Variants in C14orf39 observed in about 807,000 individuals in gnomAD.
C14orf39 encodes protein SIX6OS1.
In C14orf39, 66 loss-of-function variants were observed where a neutral mutation model predicts 85.6. The ratio of observed to expected loss-of-function variants is 0.77; its 90% CI spans 0.63 to 0.95. The LOEUF (loss-of-function observed/expected upper bound fraction) is 0.95. C14orf39 is among the 40% of genes least tolerant of loss of function. The probability of loss-of-function intolerance (pLI) is 0.00; values close to 1 mark genes in which losing one functional copy is unlikely to be tolerated. For missense variants in C14orf39, 735 were observed against 663.9 expected, an observed-to-expected ratio of 1.11 and a Z score of -1.18; for synonymous variants, 242 against 214.0, an observed-to-expected ratio of 1.13 and a Z score of -1.14.
intron 16 of C14orf39, among the ~76,000 whole-genome samples, chr14:60,444,820 A>G (rs1480533802): frequency 1.3e-5 from 2 of 152,202 alleles, no homozygotes; most frequent in African/African-American, 4.8e-5. Context: ...GTTACCCACA[A>G]AGGGAATCCC....
rs966987856 is a variant in C14orf39 at position 60,451,579 on chromosome 14, T to C, written c.1503+3422A>G. Among the ~76,000 whole-genome samples the C allele has an allele frequency of 2.0e-5, 3 of 150,858 alleles. No homozygotes were observed. The East Asian group carries it at 5.9e-4, about 30-fold the overall frequency. On this transcript the variant is annotated intron_variant, in intron 16 of 17. Transcript: ENST00000321731. ...GGAAACCATCATTCTGAGCAAACTATCACAAGGACAGAAAACTAAACACCG... is the reference window on the plus strand; with the variant it reads ...GGAAACCATCATTCTGAGCAAACTACCACAAGGACAGAAAACTAAACACCG...
intron 1 of C14orf39, chr14:60,509,637 C>A (rs755414940): frequency 3.7e-6 from 6 of 1,613,774 alleles, no homozygotes; most frequent in Non-Finnish European, 5.1e-6. Flanking sequence ...CACAAGTTCA[C>A]CAAGGAGTCG....
chr14:60,509,557 G>A (rs1398183452), intron 1 of C14orf39: 6 of 1,611,510 alleles, frequency 3.7e-6, no homozygotes, highest in African/African-American at 1.3e-5. Context: ...ATGAGTCGGT[G>A]CTACGCGCAC....
chr14:60,510,969 G>A, intron 1 of C14orf39: 1 of 1,075,608 alleles, frequency 9.3e-7, no homozygotes, highest in South Asian at 1.4e-5. Context: ...CTTAACTGCT[G>A]GGGTCTTCGG....
At chr14:60,493,402 T>C (rs1229961877) in intron 2 of C14orf39, among the ~76,000 whole-genome samples, 2 of 152,176 alleles carry the variant, frequency 1.3e-5, no homozygotes, top group Non-Finnish European at 2.9e-5. Context: ...ACCTTTTAAG[T>C]ATACAGTACC....
intron 1 of C14orf39, chr14:60,510,081 AGC>A: frequency 1.0e-6 from 1 of 989,862 alleles, no homozygotes; most frequent in Non-Finnish European, 1.6e-6. Flanking sequence ...AGGAGTTGGG[AGC>A]GCGGTCTGTC....
intron 15 of C14orf39, among the ~76,000 whole-genome samples, chr14:60,456,306 G>A (rs1234347377): frequency 2.6e-5 from 4 of 151,946 alleles, no homozygotes; most frequent in Admixed American, 2.0e-4. Flanking sequence ...TAAAGAGCTT[G>A]CTTAATAAAA....
rs1295300622 is a variant in C14orf39 at position 60,515,447 on chromosome 14, CCTA to C, written c.-199_-197del. The stretch of plus-strand genomic sequence containing the variant: ...GCGGACGTGTAGGCCTCGAGCCACT[CCTA>C]CTGTTGGGCTGCGTGACTCAGCGGC... On this transcript the variant is annotated 5_prime_UTR_variant, in exon 1 of 6. Coordinates refer to the C14orf39 transcript ENST00000556799. The surrounding 1 kb of genome is among the most constrained non-coding windows in gnomAD (Gnocchi z 6.2). 2.0e-5 allele frequency: 3 copies of C among 152,026 alleles called. No homozygotes were observed. The highest frequency in any genetic ancestry group is 2.0e-4 in the Admixed American group (3 of 15,282). The allele number at this position is 152,026 out of a possible 1,614,324, so 9.4% of individuals were successfully genotyped here.
chr14:60,509,751 A>T, intron 1 of C14orf39: 1 of 1,613,274 alleles, frequency 6.2e-7, no homozygotes, highest in Non-Finnish European at 8.5e-7. Flanking sequence ...GTAAGGAAGA[A>T]GTTCCCGCTG....
chr14:60,474,255 C>G (rs575774360), intron 5 of C14orf39, among the ~76,000 whole-genome samples: 1 of 152,128 alleles, frequency 6.6e-6, no homozygotes, highest in East Asian at 1.9e-4. Context: ...GATTTTGTAT[C>G]CTGAGACTTT....
chr14:60,471,051 A>T (rs1340903213), intron 7 of C14orf39, among the ~76,000 whole-genome samples: 1 of 151,894 alleles, frequency 6.6e-6, no homozygotes, highest in Non-Finnish European at 1.5e-5. Flanking sequence ...GTAGGTTTCC[A>T]GTGATGAATG....
chr14:60,465,851 AAC>A (rs10529202), intron 11 of C14orf39, 126 bp downstream of exon 11: 6,651 of 414,312 alleles, frequency 0.016, 70 homozygotes, highest in East Asian at 0.068. Flanking sequence ...ATAAATTTAT[AAC>A]ACACACACAC....
chr14:60,510,309 G>T (rs1893271355), intron 1 of C14orf39, among the ~76,000 whole-genome samples: 1 of 152,202 alleles, frequency 6.6e-6, no homozygotes, highest in Non-Finnish European at 1.5e-5. Context: ...ATTCTTGTCA[G>T]CCTGGGCACA....
At chr14:60,482,746 G>A (rs1036719443) in intron 4 of C14orf39, among the ~76,000 whole-genome samples, 1 of 152,132 alleles carries the variant, frequency 6.6e-6, no homozygotes, top group Admixed American at 6.5e-5. Flanking sequence ...CCACGGAGCT[G>A]TTAAAAAGAA....
chr14:60,456,931 G>C lies in C14orf39; in HGVS notation c.1344C>G (p.Thr448=), dbSNP rs749546937. ...TAAAATCCTACATTTCGAACGGGGG[G>C]GTTTTAGGGAATTTTATTTTCTCCA... is the stretch of plus-strand genomic sequence containing the variant. ...ESLEKIKFPK[T]PPFEINRNRN... is the part of the protein sequence containing the mutation. The change falls in exon 15 of 18, where the codon ACC becomes ACG. Residue 448 remains threonine (T), a synonymous_variant. Coordinates refer to ENST00000321731, the MANE Select transcript of C14orf39 (RefSeq NM_174978.3). 3.2e-6 allele frequency: 5 copies of C among 1,567,720 alleles called. No homozygotes were observed. The highest frequency in any genetic ancestry group is 2.3e-5 in the East Asian group (1 of 43,404).
chr14:60,448,453 G>C (rs1419771044), intron 16 of C14orf39, among the ~76,000 whole-genome samples: 1 of 152,214 alleles, frequency 6.6e-6, no homozygotes, highest in Non-Finnish European at 1.5e-5. Flanking sequence ...CTGGTCATTA[G>C]AGAAATGCAA....
chr14:60,461,232 C>T, intron 13 of C14orf39, 122 bp downstream of exon 13: 1 of 688,412 alleles, frequency 1.5e-6, no homozygotes, highest in Admixed American at 2.8e-5. Context: ...ATTTTAAAGC[C>T]AGGCGTGCAT....
intron 1 of C14orf39, chr14:60,511,031 C>T (rs899539931): frequency 1.9e-6 from 3 of 1,573,590 alleles, no homozygotes; most frequent in Admixed American, 3.5e-5. Flanking sequence ...TGGGGGCGGG[C>T]GACGGGCGGC....
chr14:60,505,463 A>G (rs773698495), intron 1 of C14orf39, among the ~76,000 whole-genome samples: 9 of 152,238 alleles, frequency 5.9e-5, no homozygotes, highest in Non-Finnish European at 1.0e-4. Flanking sequence ...AAAACTTTCT[A>G]GATTATTTTA....
Sources: allele counts gnomAD v4.1 joint callset (sites outside exome capture counted in the v4.1 genomes callset), GRCh38; gene constraint gnomAD v4.1.1; non-coding constraint Gnocchi (gnomAD v3.1); transcripts MANE v1.5; gene names NCBI Gene and HGNC (gene_info 2026-07-23, HGNC 2026-07-21).